Variants in ASTN1 observed in about 807,000 individuals in gnomAD.
ASTN1 encodes astrotactin-1.
A neutral mutation model predicts 140.7 loss-of-function variants in ASTN1; 41 were observed. The observed-to-expected ratio is 0.29, with a 90% CI of 0.23 to 0.38. The LOEUF (loss-of-function observed/expected upper bound fraction) is 0.38. Among genes scored for constraint, ASTN1 ranks in the 10% least tolerant of loss-of-function variants. The probability of loss-of-function intolerance (pLI) is 1.00; values close to 1 mark genes in which losing one functional copy is unlikely to be tolerated. For missense variants in ASTN1, 1,479 were observed against 1,678.8 expected (o/e 0.88, Z 2.08); for synonymous variants, 640 against 652.2 (o/e 0.98, Z 0.29).
At chr1:176,936,978 G>A (rs1257165350) in intron 14 of ASTN1, among the ~76,000 whole-genome samples, 10 of 152,158 alleles carry the variant, frequency 6.6e-5, no homozygotes, top group Non-Finnish European at 7.3e-5. Flanking sequence ...AAAATTGGGG[G>A]CGTAAAAGTA....
At chr1:176,932,112 T>C (rs1671230986) in intron 16 of ASTN1, among the ~76,000 whole-genome samples, 1 of 152,180 alleles carries the variant, frequency 6.6e-6, no homozygotes, top group Non-Finnish European at 1.5e-5. Context: ...CTTCCTTTCC[T>C]ATTCAATCCA....
intron 16 of ASTN1, among the ~76,000 whole-genome samples, chr1:176,920,475 T>C (rs1175655923): frequency 6.6e-6 from 1 of 152,196 alleles, no homozygotes; most frequent in African/African-American, 2.4e-5. Flanking sequence ...CATTCAAAGT[T>C]CCCCATACCT....
At chr1:177,037,535 T>C (rs1676779024) in intron 2 of ASTN1, among the ~76,000 whole-genome samples, 1 of 152,250 alleles carries the variant, frequency 6.6e-6, no homozygotes, top group South Asian at 2.1e-4. Flanking sequence ...AAAGTATTCT[T>C]CATTTATTTG....
At chr1:177,023,657 G>A in intron 6 of ASTN1, 86 bp from the exon 7 acceptor site, 1 of 1,355,864 alleles carries the variant, frequency 7.4e-7, no homozygotes, top group South Asian at 1.5e-5. Flanking sequence ...ATCCCAACCT[G>A]AGAATTAGTA....
chr1:177,120,615 G>C (rs1205476832), intron 1 of ASTN1, among the ~76,000 whole-genome samples: 1 of 152,072 alleles, frequency 6.6e-6, no homozygotes, highest in Non-Finnish European at 1.5e-5. Context: ...ATGACTCCCA[G>C]ACACAAGGAG....
Position 177,024,673 on chromosome 1 carries a change from AGCTGGTGAT to A in ASTN1, c.1171_1179del (p.Ile391_Ser393del). Reference sequence around the variant, plus strand: ...GAGGAGCACACGAGGCCAATCACACAGCTGGTGATGCTGATCAGGGTCAAGGTGGTCTTA... The same window carrying A: ...GAGGAGCACACGAGGCCAATCACACAGCTGATCAGGGTCAAGGTGGTCTTA... On this transcript the variant is annotated inframe_deletion, in exon 6 of 23. Transcript: ENST00000361833. 1 of 1,614,080 alleles carries A rather than the reference AGCTGGTGAT, an allele frequency of 6.2e-7. No homozygotes were observed. Among genetic ancestry groups the A allele is most frequent in the South Asian group, 1.1e-5 (1 of 91,072 alleles).
intron 12 of ASTN1, among the ~76,000 whole-genome samples, chr1:176,946,960 G>GTC (rs561077006): frequency 1.3e-5 from 2 of 152,240 alleles, no homozygotes; most frequent in Admixed American, 1.3e-4. Flanking sequence ...TTTAATCTGG[G>GTC]TCTCTCATTG....
At chr1:177,030,216 C>T (rs1008074020) in intron 4 of ASTN1, among the ~76,000 whole-genome samples, 1 of 152,080 alleles carries the variant, frequency 6.6e-6, no homozygotes, top group African/African-American at 2.4e-5. Flanking sequence ...ATTCTAATGC[C>T]CTCTAAATCC....
At chr1:177,126,796 A>G (rs1681676941) in intron 1 of ASTN1, among the ~76,000 whole-genome samples, 1 of 152,152 alleles carries the variant, frequency 6.6e-6, no homozygotes. Context: ...CTTGCTATTA[A>G]AAGCAACATA....
At chr1:177,117,284 C>T (rs1264318751) in intron 1 of ASTN1, among the ~76,000 whole-genome samples, 1 of 152,150 alleles carries the variant, frequency 6.6e-6, no homozygotes, top group African/African-American at 2.4e-5. Flanking sequence ...TTCTCAGAGT[C>T]ACTCCCGGCT....
intron 8 of ASTN1, among the ~76,000 whole-genome samples, chr1:177,010,561 C>T (rs148971056): frequency 2.0e-5 from 3 of 152,244 alleles, no homozygotes; most frequent in African/African-American, 7.2e-5. Flanking sequence ...TGAATAGGAC[C>T]TTCTTGTGCA....
At position 176,863,317 on chromosome 1, in the gene ASTN1, C is replaced by T; in HGVS notation, c.*967G>A. On this transcript the variant is annotated 3_prime_UTR_variant, in exon 23 of 23. Coordinates refer to ENST00000361833, the MANE Select transcript of ASTN1 (RefSeq NM_004319.3). ...TGTAACACTGATATGAAAGTGTTGA[C>T]CCCTCCTGGTCCCAATCAGACATCG... 2.0e-6 allele frequency: 2 copies of T among 985,852 alleles called. No homozygotes were observed. Among genetic ancestry groups the T allele is most frequent in the Non-Finnish European group, 2.4e-6 (2 of 829,936 alleles). 61.1% of individuals were successfully genotyped at this position (985,852 alleles called of 1,614,324 possible).
chr1:177,150,525 G>A (rs1682983336), intron 1 of ASTN1, among the ~76,000 whole-genome samples: 1 of 152,146 alleles, frequency 6.6e-6, no homozygotes, highest in South Asian at 2.1e-4. Flanking sequence ...CATTCTAATA[G>A]ACATGGAGAA....
At chr1:177,041,998 C>T (rs569408661) in intron 2 of ASTN1, among the ~76,000 whole-genome samples, 2 of 152,310 alleles carry the variant, frequency 1.3e-5, no homozygotes, top group East Asian at 1.9e-4. Context: ...CAGCCTATAA[C>T]ATAGTTAGTT....
intron 17 of ASTN1, among the ~76,000 whole-genome samples, chr1:176,890,529 C>T (rs987186341): frequency 1.3e-5 from 2 of 152,136 alleles, no homozygotes; most frequent in African/African-American, 4.8e-5. Flanking sequence ...GGCTGAAACA[C>T]AGAAGCCTTG....
chr1:177,023,313 G>C (rs568023924), intron 7 of ASTN1, 91 bp downstream of exon 7: 13 of 1,452,858 alleles, frequency 8.9e-6, no homozygotes, highest in African/African-American at 2.9e-5. Flanking sequence ...GTGGGACGGG[G>C]AGTTGGGAGG....
At chr1:177,091,668 C>T (rs1215000650) in intron 1 of ASTN1, among the ~76,000 whole-genome samples, 1 of 152,078 alleles carries the variant, frequency 6.6e-6, no homozygotes, top group Non-Finnish European at 1.5e-5. Flanking sequence ...GTTCTATCTC[C>T]CCAAAATGAA....
At chr1:177,116,338 A>G (rs1681090556) in intron 1 of ASTN1, among the ~76,000 whole-genome samples, 1 of 152,198 alleles carries the variant, frequency 6.6e-6, no homozygotes, top group Non-Finnish European at 1.5e-5. Flanking sequence ...TTGTGCACAG[A>G]TGTATTATTT....
At chr1:176,885,550 C>G (rs1343832443) in intron 18 of ASTN1, among the ~76,000 whole-genome samples, 1 of 152,160 alleles carries the variant, frequency 6.6e-6, no homozygotes, top group African/African-American at 2.4e-5. Flanking sequence ...CCATTTATCT[C>G]ATCCTTGGTT....
Sources: allele counts gnomAD v4.1 joint callset (sites outside exome capture counted in the v4.1 genomes callset), GRCh38; gene constraint gnomAD v4.1.1; transcripts MANE v1.5; gene names NCBI Gene and HGNC (gene_info 2026-07-23, HGNC 2026-07-21).